TOP1MT: variants seen among roughly 807,000 people sequenced by gnomAD.
TOP1MT encodes the protein DNA topoisomerase I, mitochondrial.
TOP1MT carries 80 observed loss-of-function variants against 73.9 expected under a neutral mutation model. The observed-to-expected ratio is 1.08, with a 90% CI of 0.90 to 1.30. The LOEUF is 1.30. Among genes scored for constraint, TOP1MT ranks in the 50% most tolerant of loss-of-function variants. The pLI is 0.00. For missense variants in TOP1MT, 815 were observed against 808.0 expected, an observed-to-expected ratio of 1.01 and a Z score of -0.10; for synonymous variants, 338 against 326.4, an observed-to-expected ratio of 1.04 and a Z score of -0.38.
Position 143,317,837 on chromosome 8 carries a change from T to C in TOP1MT, c.1216A>G (p.Thr406Ala). 2 of 1,614,016 alleles carry C rather than the reference T, an allele frequency of 1.2e-6. No homozygotes were observed. Among genetic ancestry groups the C allele is most frequent in the Non-Finnish European group, 1.7e-6 (2 of 1,179,968 alleles). Residue 406 changes from threonine to alanine, a missense_variant and splice_region_variant, in exon 10 of 14, where the codon ACG becomes GCG. Coordinates refer to ENST00000329245, the MANE Select transcript of TOP1MT (RefSeq NM_052963.3). Reference sequence around the variant, plus strand: ...TGGAGGTGCTTGTTCAGGCTGGTCGTCTGGGGAGGAAAATGGTCTCTATAA... The same window carrying C: ...TGGAGGTGCTTGTTCAGGCTGGTCGCCTGGGGAGGAAAATGGTCTCTATAA... ...PRDDLFDRLT[T>A]TSLNKHLQEL...
intron 2 of TOP1MT, among the ~76,000 whole-genome samples, chr8:143,330,947 A>AGGGGGGGGGGGGGGGGGGGGG (rs140746863): frequency 1.7e-5 from 1 of 59,852 alleles, no homozygotes; most frequent in African/African-American, 5.0e-5. Flanking sequence ...GGGGGGAGGG[A>AGGGGGGGGGGGGGGGGGGGGG]GGGGGGGTCC....
Position 143,331,334 on chromosome 8 carries a change from T to C in TOP1MT, c.128A>G (p.Glu43Gly), listed in dbSNP as rs915573751. 3 of 1,610,966 alleles carry C rather than the reference T, an allele frequency of 1.9e-6. No individual in the cohort carries two copies. Among genetic ancestry groups the C allele is most frequent in the Non-Finnish European group, 1.7e-6 (2 of 1,177,936 alleles). Residue 43 changes from glutamate (E) to glycine (G), a missense_variant, in exon 2 of 14, where the codon GAG becomes GGG. Glu to Gly is a moderately conservative substitution (Grantham distance 98, BLOSUM62 -2). Coordinates refer to ENST00000329245, the MANE Select transcript of TOP1MT (RefSeq NM_052963.3). ...CACCCCGTCTTCGTGCTTCTCCTTC[T>C]CCCACCTAAAGACGGAGACAGGACG... is the stretch of plus-strand genomic sequence containing the variant. ...RTQKGSGARW[E>G]KEKHEDGVKW...
intron 8 of TOP1MT, 113 bp from the exon 9 acceptor site, chr8:143,318,199 G>A: frequency 1.1e-6 from 1 of 885,230 alleles, no homozygotes; most frequent in Non-Finnish European, 1.8e-6. Flanking sequence ...TGAGGAAGGT[G>A]GCCCGAGCAG....
intron 1 of TOP1MT, chr8:143,334,233 G>A (rs1412481261): frequency 6.6e-6 from 1 of 152,644 alleles, no homozygotes; most frequent in Non-Finnish European, 1.5e-5. Flanking sequence ...CTCCAGGAAA[G>A]CGCCTGGGAC....
In TOP1MT at chr8:143,343,594, T is replaced by TC. The variant is rs1158576246; in HGVS notation, c.-38-309dup. ...CAGGCAGTAAAAGGCAGCTCCCAGG[T>TC]CCCCTCTGGGACCATCTCTGTCCCC... On this transcript the variant is annotated intron_variant, in intron 1 of 5. Transcript: ENST00000518007. 2.3e-5 allele frequency: 6 copies of TC among 257,706 alleles called. No individual in the cohort carries two copies. The Admixed American group carries it at 2.4e-4, about 10-fold the overall frequency. 16.0% of individuals were successfully genotyped at this position (257,706 alleles called of 1,614,324 possible).
intron 2 of TOP1MT, among the ~76,000 whole-genome samples, chr8:143,330,377 C>T (rs1453636314): frequency 2.0e-5 from 3 of 152,256 alleles, no homozygotes; most frequent in African/African-American, 4.8e-5. Flanking sequence ...AGGGGCACAG[C>T]GCGAGACGCT....
At chr8:143,359,470 C>T (rs953808053), upstream of TOP1MT, 2 of 980,634 alleles carry the variant, frequency 2.0e-6, no homozygotes, top group Middle Eastern at 5.2e-4. Context: ...TCCTAGGCAG[C>T]CAGACCGGCA....
intron 7 of TOP1MT, among the ~76,000 whole-genome samples, chr8:143,323,071 A>T (rs1816559848): frequency 7.6e-6 from 1 of 132,004 alleles, no homozygotes; most frequent in African/African-American, 3.0e-5. Context: ...GGCACACCAC[A>T]CACGCACGCC....
chr8:143,324,380 GC>G, intron 6 of TOP1MT, 104 bp downstream of exon 6: 1 of 1,543,846 alleles, frequency 6.5e-7, no homozygotes, highest in Non-Finnish European at 8.8e-7. Flanking sequence ...CCGACTCCCA[GC>G]CCATCTCAGA....
chr8:143,349,475 C>T (rs1297044352), upstream of TOP1MT, among the ~76,000 whole-genome samples: 1 of 152,146 alleles, frequency 6.6e-6, no homozygotes, highest in African/African-American at 2.4e-5. Flanking sequence ...TTCATTAGTG[C>T]CAATGTGTTT....
intron 1 of TOP1MT, 35 bp downstream of exon 1, chr8:143,334,705 A>T (rs1319148270): frequency 3.8e-6 from 6 of 1,597,026 alleles, no homozygotes; most frequent in Non-Finnish European, 5.1e-6. Flanking sequence ...CCCGGTGCTC[A>T]GGGCCCTCGC....
chr8:143,342,759 AGAGACAGAGTC>A (rs1563771958), intron 2 of TOP1MT, among the ~76,000 whole-genome samples: 38 of 71,002 alleles, frequency 5.4e-4, no homozygotes, highest in Admixed American at 9.4e-4. Context: ...TATTATTATT[AGAGACAGAGTC>A]TTGCTCTATT....
At chr8:143,321,991 CAT>C (rs1232477002) in intron 7 of TOP1MT, among the ~76,000 whole-genome samples, 1 of 59,314 alleles carries the variant, frequency 1.7e-5, no homozygotes, top group East Asian at 1.0e-3. Context: ...ACGCCACACA[CAT>C]GCACGCCACA....
Position 143,344,279 on chromosome 8 carries a change from G to A in TOP1MT, c.-39+637C>T, listed in dbSNP as rs982232875. ...GTCCTCTCAGGATGTGCTGACTGCA[G>A]AGGCCTAGAGTCCCACAGGGAAGCC... On this transcript the variant is annotated intron_variant, in intron 1 of 5. Transcript: ENST00000518007. This position sits in a 1 kb window ranked among gnomAD's most constrained non-coding sequence, Gnocchi z 4.6. 1 of 152,274 alleles carries A rather than the reference G, an allele frequency of 6.6e-6. No homozygotes were observed. The highest frequency in any genetic ancestry group is 1.5e-5 in the Non-Finnish European group (1 of 68,082). 9.4% of individuals were successfully genotyped at this position (152,274 alleles called of 1,614,324 possible). A position where few individuals can be genotyped will look rare whatever the true frequency, so the allele number is the denominator to read the frequency against.
In TOP1MT at chr8:143,344,055, G is replaced by C. The variant is rs1817178191; in HGVS notation, c.-38-769C>G. On this transcript the variant is annotated intron_variant, in intron 1 of 5. Transcript: ENST00000518007. The surrounding 1 kb of genome is among the most constrained non-coding windows in gnomAD (Gnocchi z 4.6). ...TAGAGCCCTACTGAGGCAGAGGCCT[G>C]GGCCAGCCGAGAAAGGTGAGAGGAG... The C allele has an allele frequency of 6.6e-6, 1 of 152,296 alleles. No individual in the cohort carries two copies. Among genetic ancestry groups the C allele is most frequent in the Non-Finnish European group, 1.5e-5 (1 of 68,100 alleles). 9.4% of individuals were successfully genotyped at this position (152,296 alleles called of 1,614,324 possible). A position where few individuals can be genotyped will look rare whatever the true frequency, so the allele number is the denominator to read the frequency against.
chr8:143,351,013 C>T (rs1474940255), intron 1 of TOP1MT, among the ~76,000 whole-genome samples: 1 of 152,178 alleles, frequency 6.6e-6, no homozygotes, highest in Non-Finnish European at 1.5e-5. Flanking sequence ...AGTGAAAACG[C>T]CCACCTTGGT....
rs994171299 is a variant in TOP1MT at position 143,334,346 on chromosome 8, C to G, written c.122+394G>C. Reference sequence around the variant, plus strand: ...CATGCAGAATCGGTCCTGGAGACAACCCGGGAACCGACTCCAGGAAAGAGC... The same window carrying G: ...CATGCAGAATCGGTCCTGGAGACAAGCCGGGAACCGACTCCAGGAAAGAGC... On this transcript the variant is annotated intron_variant, in intron 1 of 13. Coordinates refer to ENST00000329245, the MANE Select transcript of TOP1MT (RefSeq NM_052963.3). The G allele has an allele frequency of 5.4e-5, 9 of 167,878 alleles. No individual in the cohort carries two copies. The Admixed American group carries it at 5.6e-4, about 11-fold the overall frequency. The allele number at this position is 167,878 out of a possible 1,614,324, so 10.4% of individuals were successfully genotyped here.
intron 1 of TOP1MT, chr8:143,343,385 A>G (rs1405035222): frequency 4.3e-5 from 18 of 420,138 alleles, no homozygotes; most frequent in Admixed American, 2.7e-5. Context: ...GAAGCCTCCC[A>G]AGCTCTTCAT....
intron 10 of TOP1MT, among the ~76,000 whole-genome samples, chr8:143,316,452 C>A (rs1224322465): frequency 2.6e-5 from 4 of 151,586 alleles, no homozygotes; most frequent in Admixed American, 2.6e-4. Context: ...CAGCACCCGG[C>A]TTCCCCTGGC....
Sources: allele counts gnomAD v4.1 joint callset (sites outside exome capture counted in the v4.1 genomes callset), GRCh38; gene constraint gnomAD v4.1.1; non-coding constraint Gnocchi (gnomAD v3.1); transcripts MANE v1.5; gene names NCBI Gene and HGNC (gene_info 2026-07-23, HGNC 2026-07-21).